Variants in LRRIQ1 observed in about 807,000 individuals in gnomAD.
The protein encoded by LRRIQ1 is leucine rich repeats and IQ motif containing 1.
LRRIQ1 carries 210 observed loss-of-function variants against 211.9 expected under a neutral mutation model. The observed-to-expected ratio is 0.99, with a 90% CI of 0.89 to 1.11. LRRIQ1 has a LOEUF of 1.11. LRRIQ1 is among the 50% of genes most tolerant of loss of function. The pLI, the probability that LRRIQ1 is intolerant of heterozygous loss-of-function variation, is 0.00. For synonymous variants in LRRIQ1, 699 were observed against 650.1 expected (o/e 1.08, Z -1.14); for missense variants, 2,136 against 1,939.5 (o/e 1.10, Z -1.90).
At chr12:85,126,118 A>G (rs1888357077) in intron 17 of LRRIQ1, among the ~76,000 whole-genome samples, 1 of 152,182 alleles carries the variant, frequency 6.6e-6, no homozygotes, top group African/African-American at 2.4e-5. Flanking sequence ...TGCACCCTAC[A>G]TTCAGGAAAC....
intron 24 of LRRIQ1, among the ~76,000 whole-genome samples, chr12:85,212,776 TTATA>T (rs922940690): frequency 6.9e-5 from 10 of 145,762 alleles, no homozygotes; most frequent in African/African-American, 2.3e-4. Flanking sequence ...AATATATATT[TTATA>T]TATATATAGA....
At chr12:85,085,517 T>G (rs1052789400) in intron 11 of LRRIQ1, among the ~76,000 whole-genome samples, 1 of 152,192 alleles carries the variant, frequency 6.6e-6, no homozygotes. Flanking sequence ...TGAGGTTTGT[T>G]GTATGCATAA....
intron 13 of LRRIQ1, among the ~76,000 whole-genome samples, chr12:85,100,609 TA>T (rs2136290091): frequency 6.6e-6 from 1 of 151,798 alleles, no homozygotes; most frequent in African/African-American, 2.4e-5. Flanking sequence ...AAAGTAAAAT[TA>T]TTGTATAATA....
downstream of LRRIQ1, among the ~76,000 whole-genome samples, chr12:85,266,137 C>A (rs1896413053): frequency 1.3e-5 from 2 of 152,138 alleles, no homozygotes; most frequent in Admixed American, 6.6e-5. Context: ...AGGATAAAGT[C>A]TTTTATGTTA....
intron 11 of LRRIQ1, among the ~76,000 whole-genome samples, chr12:85,091,412 A>G (rs1477383810): frequency 6.6e-6 from 1 of 152,090 alleles, no homozygotes; most frequent in Non-Finnish European, 1.5e-5. Flanking sequence ...TGTCAGATGT[A>G]TAGTTTGGGA....
chr12:85,206,897 C>T (rs1565903735), intron 24 of LRRIQ1, among the ~76,000 whole-genome samples: 2 of 152,092 alleles, frequency 1.3e-5, no homozygotes, highest in African/African-American at 2.4e-5. Context: ...TTACAGTTCC[C>T]CTAAGACTAC....
downstream of LRRIQ1, among the ~76,000 whole-genome samples, chr12:85,245,518 A>G (rs2137280172): frequency 6.7e-6 from 1 of 149,250 alleles, no homozygotes; most frequent in East Asian, 1.9e-4. Flanking sequence ...TTTATATAAC[A>G]TATTTGTTAT....
intron 4 of LRRIQ1, among the ~76,000 whole-genome samples, chr12:85,045,022 G>A (rs1055540073): frequency 2.0e-5 from 3 of 151,720 alleles, no homozygotes; most frequent in African/African-American, 7.3e-5. Flanking sequence ...TAAAAGTGGT[G>A]GGTTGAGCCA....
chr12:85,113,735 C>T (rs1381210970), intron 15 of LRRIQ1, among the ~76,000 whole-genome samples: 1 of 152,044 alleles, frequency 6.6e-6, no homozygotes, highest in Admixed American at 6.6e-5. Context: ...CAGTAATTGT[C>T]AGTATCAGGA....
the LRRIQ1 span, among the ~76,000 whole-genome samples, chr12:85,272,471 A>G: frequency 3.3e-5 from 5 of 152,234 alleles, no homozygotes; most frequent in Non-Finnish European, 5.9e-5. Context: ...AATATTAATC[A>G]GAAATGAACC....
downstream of LRRIQ1, among the ~76,000 whole-genome samples, chr12:85,267,549 A>T (rs1467052069): frequency 6.6e-6 from 1 of 152,076 alleles, no homozygotes; most frequent in African/African-American, 2.4e-5. Flanking sequence ...GTTTTCTCCC[A>T]AAGTTATTGG....
chr12:85,257,595 T>C (rs543041941), intron 1 of LRRIQ1, among the ~76,000 whole-genome samples: 1 of 151,818 alleles, frequency 6.6e-6, no homozygotes, highest in South Asian at 2.1e-4. Context: ...CCAATAGGTA[T>C]TAACTATTTC....
At chr12:85,078,211 A>G (rs191491037) in intron 11 of LRRIQ1, among the ~76,000 whole-genome samples, 6 of 152,310 alleles carry the variant, frequency 3.9e-5, no homozygotes, top group East Asian at 1.9e-4. Flanking sequence ...CCACAAATTT[A>G]TAGTTTTAAA....
chr12:85,104,896 C>T (rs559628789), intron 14 of LRRIQ1, among the ~76,000 whole-genome samples: 149 of 152,072 alleles, frequency 9.8e-4, no homozygotes, highest in African/African-American at 3.4e-3. Context: ...ATTTTACAAC[C>T]ACACCAGAAA....
At chr12:85,239,225 T>C (rs1895344644) in intron 26 of LRRIQ1, among the ~76,000 whole-genome samples, 1 of 151,886 alleles carries the variant, frequency 6.6e-6, no homozygotes, top group African/African-American at 2.4e-5. Flanking sequence ...ATGTACACAC[T>C]GATATTAAAC....
intron 11 of LRRIQ1, among the ~76,000 whole-genome samples, chr12:85,086,388 G>A (rs558277976): frequency 3.3e-4 from 50 of 152,030 alleles, no homozygotes; most frequent in African/African-American, 1.2e-3. Flanking sequence ...GTGAGGTCTG[G>A]TGGTTTAAAA....
At chr12:85,241,973 C>CA (rs1472282564) in intron 26 of LRRIQ1, among the ~76,000 whole-genome samples, 2 of 151,924 alleles carry the variant, frequency 1.3e-5, no homozygotes, top group Admixed American at 1.3e-4. Flanking sequence ...CCAAAATGTA[C>CA]ATCCGTCATT....
intron 24 of LRRIQ1, among the ~76,000 whole-genome samples, chr12:85,189,008 T>G (rs78973298): frequency 6.6e-6 from 1 of 152,060 alleles, no homozygotes; most frequent in Non-Finnish European, 1.5e-5. Context: ...CCTTTGGTAA[T>G]AGAGACTGCA....
chr12:85,044,016 AT>A (rs971040459), intron 3 of LRRIQ1, among the ~76,000 whole-genome samples: 1 of 152,100 alleles, frequency 6.6e-6, no homozygotes, highest in Non-Finnish European at 1.5e-5. Flanking sequence ...GGATGATGTC[AT>A]TTTTTTCTTT....
Sources: gnomAD v4.1 joint callset for allele counts (sites outside exome capture counted in the v4.1 genomes callset) on GRCh38, gnomAD v4.1.1 for gene constraint, MANE v1.5 for transcripts, NCBI Gene and HGNC (gene_info 2026-07-23, HGNC 2026-07-21) for gene names.